The following CCSER1 variants were observed in gnomAD, a reference collection of about 807,000 sequenced individuals.
CCSER1 encodes serine-rich coiled-coil domain-containing protein 1.
A neutral mutation model predicts 82.0 loss-of-function variants in CCSER1; 41 were observed. The observed-to-expected ratio is 0.50, with a 90% CI of 0.39 to 0.65. The LOEUF is 0.65. Ranked by LOEUF, CCSER1 falls within the 30% of genes least tolerant of loss-of-function variation. CCSER1 has a pLI of 0.00. For synonymous variants in CCSER1, 414 were observed against 383.9 expected (o/e 1.08, Z -0.92); for missense variants, 1,119 against 1,064.2 (o/e 1.05, Z -0.72).
chr4:91,183,806 C>A (rs1734267594), intron 10 of CCSER1, among the ~76,000 whole-genome samples: 1 of 152,146 alleles, frequency 6.6e-6, no homozygotes, highest in Admixed American at 6.5e-5. Flanking sequence ...TTGGTTGTAA[C>A]TTGACCTCAG....
In CCSER1 at chr4:91,051,184, A is replaced by C. The variant is rs373836431; in HGVS notation, c.2173-34766A>C. On this transcript the variant is annotated intron_variant, in intron 9 of 10. Coordinates refer to ENST00000509176, the MANE Select transcript of CCSER1 (RefSeq NM_001145065.2). ...AGAGCACAGAGGGTTAATACATATA[A>C]TATTCAAATAACTATTACCAAATAT... Among the ~76,000 whole-genome samples the C allele has an allele frequency of 2.6e-5, 4 of 152,322 alleles. No homozygotes were observed. The East Asian group carries it at 7.7e-4, about 29-fold the overall frequency.
chr4:90,403,306 C>T (rs900645569), intron 4 of CCSER1, among the ~76,000 whole-genome samples: 28 of 151,478 alleles, frequency 1.8e-4, no homozygotes, highest in South Asian at 6.3e-4. Flanking sequence ...GAGACCATCC[C>T]GGCTAAAACG....
chr4:90,850,603 G>C (rs1763763150), intron 8 of CCSER1, among the ~76,000 whole-genome samples: 1 of 152,200 alleles, frequency 6.6e-6, no homozygotes, highest in African/African-American at 2.4e-5. Flanking sequence ...GGACTTGCAT[G>C]GGGCCTATAG....
chr4:91,324,388 G>A (rs528596611), intron 10 of CCSER1, among the ~76,000 whole-genome samples: 7 of 152,224 alleles, frequency 4.6e-5, no homozygotes, highest in African/African-American at 7.2e-5. Context: ...GAGAATTCTC[G>A]AGTGTTGTCA....
At chr4:90,346,537 A>C (rs1324752007) in intron 3 of CCSER1, among the ~76,000 whole-genome samples, 1 of 152,044 alleles carries the variant, frequency 6.6e-6, no homozygotes, top group Admixed American at 6.5e-5. Context: ...TTAACTTCGA[A>C]TGCTTTCCAT....
chr4:90,982,234 G>A (rs529557392), intron 9 of CCSER1, among the ~76,000 whole-genome samples: 7 of 151,816 alleles, frequency 4.6e-5, no homozygotes, highest in African/African-American at 1.7e-4. Context: ...CCTTCTTGCT[G>A]TAACATCACA....
chr4:90,177,292 C>T (rs960572513), intron 1 of CCSER1, among the ~76,000 whole-genome samples: 1 of 152,098 alleles, frequency 6.6e-6, no homozygotes, highest in Non-Finnish European at 1.5e-5. Context: ...GACAGCTGAT[C>T]TTTTCAATCT....
At chr4:91,157,641 G>A (rs1227915075) in intron 10 of CCSER1, among the ~76,000 whole-genome samples, 1 of 151,890 alleles carries the variant, frequency 6.6e-6, no homozygotes, top group East Asian at 1.9e-4. Context: ...GTAATGCCAG[G>A]GACAGCACTT....
intron 10 of CCSER1, among the ~76,000 whole-genome samples, chr4:91,284,720 T>C (rs1743146887): frequency 6.6e-6 from 1 of 152,136 alleles, no homozygotes; most frequent in African/African-American, 2.4e-5. Flanking sequence ...GACACCCATG[T>C]GACTCTAATT....
intron 1 of CCSER1, among the ~76,000 whole-genome samples, chr4:90,154,612 T>C (rs1186632152): frequency 5.5e-5 from 8 of 146,646 alleles, no homozygotes; most frequent in East Asian, 4.1e-4. Flanking sequence ...GTAAGTTGGA[T>C]TCCTAGGTAT....
intron 1 of CCSER1, among the ~76,000 whole-genome samples, chr4:90,239,984 T>C (rs1353706370): frequency 3.3e-5 from 5 of 152,142 alleles, no homozygotes; most frequent in African/African-American, 2.4e-5. Flanking sequence ...CTCTAAGATA[T>C]AGAGAAACCT....
chr4:90,585,655 CT>C (rs565360928), intron 5 of CCSER1, among the ~76,000 whole-genome samples: 2 of 151,988 alleles, frequency 1.3e-5, no homozygotes, highest in African/African-American at 2.4e-5. Context: ...GGTTGAATGA[CT>C]TTTTTTTCAT....
At chr4:91,012,664 T>TACATTGCTACAACAGAAC (rs1739092787) in intron 9 of CCSER1, among the ~76,000 whole-genome samples, 1 of 132,336 alleles carries the variant, frequency 7.6e-6, no homozygotes, top group Non-Finnish European at 1.8e-5. Context: ...ACAAAGGCCA[T>TACATTGCTACAACAGAAC]ACACTGCTAC....
intron 10 of CCSER1, among the ~76,000 whole-genome samples, chr4:91,309,880 C>T (rs1384399419): frequency 6.6e-6 from 1 of 151,904 alleles, no homozygotes; most frequent in East Asian, 1.9e-4. Flanking sequence ...AACTGGGTGG[C>T]TTAACCAACA....
At chr4:90,691,830 T>G (rs945177655) in intron 6 of CCSER1, among the ~76,000 whole-genome samples, 1 of 151,614 alleles carries the variant, frequency 6.6e-6, no homozygotes, top group Non-Finnish European at 1.5e-5. Flanking sequence ...CGATCAGTAG[T>G]TTTCAATCCT....
At chr4:91,452,665 A>G (rs1755935558) in intron 10 of CCSER1, among the ~76,000 whole-genome samples, 1 of 152,056 alleles carries the variant, frequency 6.6e-6, no homozygotes. Flanking sequence ...AAATTCATAC[A>G]TCTTAAAACA....
chr4:91,289,630 A>G (rs1410692602), intron 10 of CCSER1, among the ~76,000 whole-genome samples: 1 of 152,030 alleles, frequency 6.6e-6, no homozygotes, highest in Non-Finnish European at 1.5e-5. Flanking sequence ...ATGAACTTGA[A>G]GAGAGAGGTC....
At position 91,013,478 on chromosome 4, in the gene CCSER1, T is replaced by C. The variant is rs1053082434; in HGVS notation, c.2173-72472T>C. Among the ~76,000 whole-genome samples the C allele has an allele frequency of 6.0e-5, 8 of 133,766 alleles. 2 individuals carry two copies. The highest frequency in any genetic ancestry group is 6.0e-4 in the Admixed American group (8 of 13,420). 87.8% of individuals were successfully genotyped at this position (133,766 alleles called of 152,430 possible). On this transcript the variant is annotated intron_variant, in intron 9 of 10. Coordinates refer to ENST00000509176, the MANE Select transcript of CCSER1 (RefSeq NM_001145065.2). ...TGATTAGATTACTTTAACATTGTAATATGATTTGAAACCAGGAATTGTAAA... is the reference window on the plus strand; with the variant it reads ...TGATTAGATTACTTTAACATTGTAACATGATTTGAAACCAGGAATTGTAAA...
chr4:90,809,070 C>T (rs1007572519), intron 7 of CCSER1, among the ~76,000 whole-genome samples: 1 of 152,018 alleles, frequency 6.6e-6, no homozygotes, highest in East Asian at 1.9e-4. Flanking sequence ...GTAATCCCAA[C>T]ATTTTGGGAT....
Sources: gnomAD v4.1 joint callset for allele counts (sites outside exome capture counted in the v4.1 genomes callset) on GRCh38, gnomAD v4.1.1 for gene constraint, MANE v1.5 for transcripts, NCBI Gene and HGNC (gene_info 2026-07-23, HGNC 2026-07-21) for gene names.